Variants in MGAT4C observed in about 807,000 individuals in gnomAD.
The protein encoded by MGAT4C is MGAT4 family member C.
MGAT4C carries 19 observed loss-of-function variants against 40.1 expected under a neutral mutation model. That is an observed-to-expected ratio of 0.47 (90% CI 0.33 to 0.70). The LOEUF (loss-of-function observed/expected upper bound fraction) is 0.70, where lower values mean the gene tolerates loss of function less well. MGAT4C is among the 30% of genes least tolerant of loss of function. MGAT4C has a pLI of 0.02. For synonymous variants in MGAT4C, 181 were observed against 187.1 expected (o/e 0.97, Z 0.27); for missense variants, 491 against 563.2 (o/e 0.87, Z 1.30).
At position 86,734,865 on chromosome 12, in the gene MGAT4C, A is replaced by T. The variant is rs147995932; in HGVS notation, c.-261-7624T>A. Among the ~76,000 whole-genome samples, 240 of 152,194 alleles carry T rather than the reference A, an allele frequency of 1.6e-3. 1 individual carries two copies. The highest frequency in any genetic ancestry group is 5.6e-3 in the African/African-American group (231 of 41,552). On this transcript the variant is annotated intron_variant, in intron 1 of 7. Coordinates refer to the MGAT4C transcript ENST00000548651. ...TCTTACATATGGTAGCAAAAAGATT[A>T]TGTAGTTACCATCTGCTGTATTTGT...
Position 85,975,106 on chromosome 12 carries a change from G to C in MGAT4C, c.*4183C>G, listed in dbSNP as rs1380000369. 6.6e-6 allele frequency: 1 copy of C among 150,660 alleles called. No individual in the cohort carries two copies. The highest frequency in any genetic ancestry group is 1.5e-5 in the Non-Finnish European group (1 of 67,042). 9.3% of individuals were successfully genotyped at this position (150,660 alleles called of 1,614,324 possible). On this transcript the variant is annotated 3_prime_UTR_variant, in exon 5 of 5. Coordinates refer to ENST00000611864, the MANE Select transcript of MGAT4C (RefSeq NM_001351288.2). ...TTATTATTTGTGATGAGAGCACTAGGGGCAATTTTGATATTTTTGATAAGG... is the reference window on the plus strand; with the variant it reads ...TTATTATTTGTGATGAGAGCACTAGCGGCAATTTTGATATTTTTGATAAGG...
intron 2 of MGAT4C, among the ~76,000 whole-genome samples, chr12:86,707,667 G>A (rs958225864): frequency 5.9e-5 from 9 of 151,812 alleles, no homozygotes; most frequent in Non-Finnish European, 1.2e-4. Context: ...AGTAGCTGGG[G>A]TTACAGGCAC....
chr12:86,408,191 G>A (rs1294603166), intron 3 of MGAT4C, among the ~76,000 whole-genome samples: 2 of 151,856 alleles, frequency 1.3e-5, no homozygotes, highest in East Asian at 3.9e-4. Flanking sequence ...ACACATGGGT[G>A]ACATCGAAAT....
intron 2 of MGAT4C, among the ~76,000 whole-genome samples, chr12:86,496,034 C>G (rs1426252800): frequency 6.6e-6 from 1 of 151,830 alleles, no homozygotes; most frequent in African/African-American, 2.4e-5. Flanking sequence ...TGAGACTTAA[C>G]TCCTACCTCC....
intron 1 of MGAT4C, among the ~76,000 whole-genome samples, chr12:86,143,405 C>G (rs839184): frequency 6.6e-6 from 1 of 152,102 alleles, no homozygotes; most frequent in Non-Finnish European, 1.5e-5. Context: ...GTATGTCTGG[C>G]TTTCTGCTTT....
intron 1 of MGAT4C, among the ~76,000 whole-genome samples, chr12:86,062,798 A>C (rs1288672703): frequency 6.6e-6 from 1 of 152,020 alleles, no homozygotes. Flanking sequence ...ACTCAATAAA[A>C]TAAAGTGAGA....
intron 1 of MGAT4C, among the ~76,000 whole-genome samples, chr12:86,753,893 C>T (rs1021495265): frequency 6.6e-6 from 1 of 151,962 alleles, no homozygotes; most frequent in African/African-American, 2.4e-5. Context: ...AACTGGACCA[C>T]TCATATACTG....
intron 2 of MGAT4C, among the ~76,000 whole-genome samples, chr12:86,618,790 T>C (rs1378808654): frequency 6.6e-6 from 1 of 152,066 alleles, no homozygotes; most frequent in South Asian, 2.1e-4. Context: ...GTTGACAATA[T>C]ATTGTATATT....
intron 2 of MGAT4C, among the ~76,000 whole-genome samples, chr12:86,538,853 C>T (rs368622726): frequency 1.6e-4 from 24 of 151,992 alleles, no homozygotes; most frequent in African/African-American, 3.4e-4. Context: ...CTGATCTGCC[C>T]GCCTCGGTCT....
chr12:86,110,121 C>A (rs562088045), intron 1 of MGAT4C, among the ~76,000 whole-genome samples: 2 of 149,708 alleles, frequency 1.3e-5, no homozygotes, highest in South Asian at 4.2e-4. Flanking sequence ...ACTGCTGTTA[C>A]CCCAGGTAAA....
chr12:86,032,055 T>C (rs1890801770), intron 2 of MGAT4C, among the ~76,000 whole-genome samples: 1 of 151,962 alleles, frequency 6.6e-6, no homozygotes, highest in South Asian at 2.1e-4. Context: ...CTTAGGATAA[T>C]GGCCTCCATC....
rs1436435902 is a variant in MGAT4C at position 85,969,905 on chromosome 12, T to C, written c.*9384A>G. Reference sequence around the variant, plus strand: ...TTAATCTATTAAATAGACAGTGAAATGCACATGAAATCTTCACACAGTGTC... The same window carrying C: ...TTAATCTATTAAATAGACAGTGAAACGCACATGAAATCTTCACACAGTGTC... On this transcript the variant is annotated 3_prime_UTR_variant, in exon 5 of 5. Transcript: ENST00000611864. The C allele has an allele frequency of 6.6e-6, 1 of 151,430 alleles. No individual in the cohort carries two copies. Among genetic ancestry groups the C allele is most frequent in the African/African-American group, 2.4e-5 (1 of 41,382 alleles). 9.4% of individuals were successfully genotyped at this position (151,430 alleles called of 1,614,324 possible). A position where few individuals can be genotyped will look rare whatever the true frequency, so the allele number is the denominator to read the frequency against.
At chr12:86,626,976 C>A (rs1308798769) in intron 2 of MGAT4C, among the ~76,000 whole-genome samples, 1 of 152,180 alleles carries the variant, frequency 6.6e-6, no homozygotes, top group Non-Finnish European at 1.5e-5. Flanking sequence ...CAAGGGAAGC[C>A]GTGACAGGCT....
chr12:86,429,176 T>C (rs1286308397), intron 3 of MGAT4C, among the ~76,000 whole-genome samples: 6 of 152,160 alleles, frequency 3.9e-5, no homozygotes, highest in Admixed American at 6.5e-5. Flanking sequence ...TGTGTTTGTC[T>C]CAAGATTTTT....
intron 3 of MGAT4C, among the ~76,000 whole-genome samples, chr12:86,430,603 A>G (rs1403996943): frequency 6.6e-6 from 1 of 152,096 alleles, no homozygotes; most frequent in Non-Finnish European, 1.5e-5. Context: ...CTGGGTGAGT[A>G]CTGTGATGGA....
chr12:86,706,258 CAG>C (rs1950455604), intron 2 of MGAT4C, among the ~76,000 whole-genome samples: 1 of 151,956 alleles, frequency 6.6e-6, no homozygotes, highest in Non-Finnish European at 1.5e-5. Flanking sequence ...TATTGCAAGA[CAG>C]GGAATTTGAG....
chr12:86,766,151 C>T (rs1321937619), intron 1 of MGAT4C, among the ~76,000 whole-genome samples: 1 of 151,584 alleles, frequency 6.6e-6, no homozygotes, highest in Admixed American at 6.6e-5. Flanking sequence ...CACATAGGCT[C>T]AAAATAAAAG....
intron 4 of MGAT4C, among the ~76,000 whole-genome samples, chr12:86,333,022 G>C (rs954565572): frequency 6.6e-6 from 1 of 152,080 alleles, no homozygotes; most frequent in Admixed American, 6.6e-5. Flanking sequence ...TGAGTCTGAC[G>C]ACCCCTGAAT....
chr12:86,276,584 A>G (rs1367531974), intron 4 of MGAT4C, among the ~76,000 whole-genome samples: 4 of 152,106 alleles, frequency 2.6e-5, no homozygotes, highest in South Asian at 2.1e-4. Context: ...CAACACCTGC[A>G]CTGCCTTTCT....
Sources: gnomAD v4.1 joint callset for allele counts (sites outside exome capture counted in the v4.1 genomes callset) on GRCh38, gnomAD v4.1.1 for gene constraint, MANE v1.5 for transcripts, NCBI Gene and HGNC (gene_info 2026-07-23, HGNC 2026-07-21) for gene names.